Variants in RBL1 observed in about 807,000 individuals in gnomAD.
RBL1 encodes the protein retinoblastoma-like protein 1.
A neutral mutation model predicts 123.0 loss-of-function variants in RBL1; 82 were observed. The ratio of observed to expected loss-of-function variants is 0.67; its 90% CI spans 0.56 to 0.80. The LOEUF (loss-of-function observed/expected upper bound fraction) is 0.80. Ranked by LOEUF, RBL1 falls within the 30% of genes least tolerant of loss-of-function variation. The probability of loss-of-function intolerance (pLI) is 0.00; values close to 1 mark genes in which losing one functional copy is unlikely to be tolerated. For missense variants in RBL1, 1,171 were observed against 1,299.6 expected, an observed-to-expected ratio of 0.90 and a Z score of 1.52; for synonymous variants, 405 against 441.3, an observed-to-expected ratio of 0.92 and a Z score of 1.03.
At chr20:37,080,896 G>T (rs1468513793) in intron 2 of RBL1, among the ~76,000 whole-genome samples, 1 of 152,142 alleles carries the variant, frequency 6.6e-6, no homozygotes, top group Non-Finnish European at 1.5e-5. Flanking sequence ...TTTTGGATTA[G>T]ACTTTTAAAA....
rs368160705 is a variant in RBL1, at chr20:37,057,000, T to C, written c.1251-742A>G. On this transcript the variant is annotated intron_variant, in intron 9 of 21. Coordinates refer to ENST00000373664, the MANE Select transcript of RBL1 (RefSeq NM_002895.5). ...TCATATCTCTATTTCTTTCTATCTA[T>C]CTATCTACCTACCTACCTACCTACC... Among the ~76,000 whole-genome samples the C allele has an allele frequency of 9.6e-5, 12 of 124,908 alleles. No homozygotes were observed. The East Asian group carries it at 1.2e-3, about 12-fold the overall frequency. 81.9% of individuals were successfully genotyped at this position (124,908 alleles called of 152,430 possible).
At chr20:37,026,982 C>CA (rs1479852620) in intron 16 of RBL1, among the ~76,000 whole-genome samples, 2 of 145,210 alleles carry the variant, frequency 1.4e-5, no homozygotes. Flanking sequence ...AGCCTGGTGA[C>CA]AGAGTGAGAC....
At chr20:37,057,062 T>TAC (rs150452702) in intron 9 of RBL1, among the ~76,000 whole-genome samples, 7 of 151,550 alleles carry the variant, frequency 4.6e-5, no homozygotes, top group East Asian at 1.9e-4. Flanking sequence ...TCTACCTATC[T>TAC]ACACACACAC....
chr20:37,011,322 G>A (rs769253572), intron 19 of RBL1, among the ~76,000 whole-genome samples: 2 of 152,080 alleles, frequency 1.3e-5, no homozygotes, highest in African/African-American at 2.4e-5. Flanking sequence ...CAGCCCATGA[G>A]GAGTGAGCTG....
intron 16 of RBL1, among the ~76,000 whole-genome samples, chr20:37,031,936 T>G (rs1311925665): frequency 1.4e-5 from 2 of 146,704 alleles, no homozygotes; most frequent in African/African-American, 5.1e-5. Context: ...AAAATAGAGA[T>G]AGGGTCTCAC....
intron 2 of RBL1, among the ~76,000 whole-genome samples, chr20:37,075,205 G>T (rs1217732083): frequency 6.6e-6 from 1 of 152,204 alleles, no homozygotes; most frequent in African/African-American, 2.4e-5. Context: ...AGAGCTGGGT[G>T]TGGGGGTTGG....
At position 37,035,395 on chromosome 20, in the gene RBL1, T is replaced by G. The variant is rs759818757; in HGVS notation, c.2017A>C (p.Lys673Gln). ...AATTTTGTTCCTTCTGTTATGATCTTGTCCATAAGCATTTCCTTTGGGGGG... is the reference window on the plus strand; with the variant it reads ...AATTTTGTTCCTTCTGTTATGATCTGGTCCATAAGCATTTCCTTTGGGGGG... Reference protein sequence around the residue: ...EDPPKEMLMDKIITEGTKLKI... With the variant: ...EDPPKEMLMDQIITEGTKLKI... The change falls in exon 15 of 22, where the codon AAG (lysine) becomes CAG (glutamine). Residue 673 changes from lysine to glutamine, a missense_variant. Coordinates refer to ENST00000373664, the MANE Select transcript of RBL1 (RefSeq NM_002895.5). 3.1e-6 allele frequency: 5 copies of G among 1,614,076 alleles called. No homozygotes were observed. Among genetic ancestry groups the G allele is most frequent in the Non-Finnish European group, 3.4e-6 (4 of 1,180,020 alleles).
chr20:37,067,587 G>A (rs531255287), intron 3 of RBL1, among the ~76,000 whole-genome samples: 3 of 151,648 alleles, frequency 2.0e-5, no homozygotes, highest in Non-Finnish European at 4.4e-5. Context: ...TGGCCAACAC[G>A]GTGAGACCTG....
intron 2 of RBL1, among the ~76,000 whole-genome samples, chr20:37,070,027 G>A (rs1029054099): frequency 6.6e-6 from 1 of 152,172 alleles, no homozygotes; most frequent in Non-Finnish European, 1.5e-5. Flanking sequence ...TGGAATAGAA[G>A]GGCGGGAAAG....
rs1419353408 is a variant in RBL1 at position 37,022,827 on chromosome 20, C to G, written c.2383-1G>C. 6.2e-7 allele frequency: 1 copy of G among 1,601,900 alleles called. No individual in the cohort carries two copies. The highest frequency in any genetic ancestry group is 1.7e-5 in the Admixed American group (1 of 58,558). ...AGCGTACACTTGCCAAATGATAGAC[C>G]TAAAATAGAAGGTAACACATTGATG... On this transcript the variant is annotated splice_acceptor_variant, in intron 16 of 21. Coordinates refer to ENST00000373664, the MANE Select transcript of RBL1 (RefSeq NM_002895.5). LOFTEE classifies it high-confidence loss of function.
At chr20:37,047,711 G>A (rs963974912) in intron 11 of RBL1, among the ~76,000 whole-genome samples, 4 of 152,104 alleles carry the variant, frequency 2.6e-5, no homozygotes, top group African/African-American at 9.7e-5. Flanking sequence ...TGAGTGTGGT[G>A]GCTCACCCCT....
chr20:37,060,947 G>A (rs1019170223), intron 9 of RBL1, among the ~76,000 whole-genome samples, 156 bp downstream of exon 9: 1 of 152,040 alleles, frequency 6.6e-6, no homozygotes, highest in Admixed American at 6.6e-5. Flanking sequence ...ACTTCAATAT[G>A]GTTTTAGGTC....
chr20:37,067,869 A>T (rs972145977), intron 3 of RBL1, 117 bp downstream of exon 3: 2 of 1,217,260 alleles, frequency 1.6e-6, no homozygotes, highest in Non-Finnish European at 2.3e-6. Context: ...ATTTAAAAAG[A>T]AAATAATTAA....
intron 11 of RBL1, among the ~76,000 whole-genome samples, chr20:37,050,544 CAAAAAAA>C (rs148834732): frequency 9.1e-5 from 1 of 10,944 alleles, no homozygotes; most frequent in African/African-American, 3.7e-4. Flanking sequence ...GACTCTGTCT[CAAAAAAA>C]AAAAAAAAAA....
intron 15 of RBL1, 24 bp from the exon 16 acceptor site, chr20:37,032,900 A>G (rs1322548947): frequency 1.2e-6 from 2 of 1,612,424 alleles, no homozygotes; most frequent in Admixed American, 1.7e-5. Context: ...CATTATTAGA[A>G]ATAATCTGCA....
At position 37,051,430 on chromosome 20, in the gene RBL1, G is replaced by A. The variant is rs532067768; in HGVS notation, c.1467+4123C>T. On this transcript the variant is annotated intron_variant, in intron 11 of 21. Coordinates refer to ENST00000373664, the MANE Select transcript of RBL1 (RefSeq NM_002895.5). The stretch of plus-strand genomic sequence containing the variant: ...TCCTGACCTTAGGTGATCCACCTGC[G>A]TTGGCCTCCCAAAGTGTTGGGATTA... 3.9e-5 allele frequency among the ~76,000 whole-genome samples: 6 copies of A among 152,146 alleles called. No homozygotes were observed. In the South Asian group the frequency reaches 6.2e-4, roughly 16 times the overall value.
Position 37,040,137 on chromosome 20 carries a change from C to G in RBL1, c.1903+16G>C. 6.2e-7 allele frequency: 1 copy of G among 1,609,352 alleles called. No individual in the cohort carries two copies. Among genetic ancestry groups the G allele is most frequent in the South Asian group, 1.1e-5 (1 of 89,584 alleles). ...CCTTTGTTACTTTTTCATTCCTTTACCAATGTTGAACCTACCTCTTCGAAG... is the reference window on the plus strand; with the variant it reads ...CCTTTGTTACTTTTTCATTCCTTTAGCAATGTTGAACCTACCTCTTCGAAG... On this transcript the variant is annotated intron_variant, in intron 14 of 21. Coordinates refer to ENST00000373664, the MANE Select transcript of RBL1 (RefSeq NM_002895.5).
At chr20:37,077,962 T>TA (rs1568886382) in intron 2 of RBL1, among the ~76,000 whole-genome samples, 1 of 152,226 alleles carries the variant, frequency 6.6e-6, no homozygotes, top group Non-Finnish European at 1.5e-5. Context: ...GTATTGCATT[T>TA]AGGTGTCATT....
At chr20:37,036,390 G>A (rs777821390) in intron 14 of RBL1, among the ~76,000 whole-genome samples, 4 of 152,006 alleles carry the variant, frequency 2.6e-5, no homozygotes, top group Non-Finnish European at 5.9e-5. Context: ...CGATTCTCCT[G>A]CCTCAGCCTC....
Sources: gnomAD v4.1 joint callset for allele counts (sites outside exome capture counted in the v4.1 genomes callset) on GRCh38, gnomAD v4.1.1 for gene constraint, MANE v1.5 for transcripts, NCBI Gene and HGNC (gene_info 2026-07-23, HGNC 2026-07-21) for gene names.